The following WWOX variants were observed in gnomAD, a reference collection of about 807,000 sequenced individuals.
The protein encoded by WWOX is WW domain-containing oxidoreductase.
In WWOX, 69 loss-of-function variants were observed where a neutral mutation model predicts 46.2. The ratio of observed to expected loss-of-function variants is 1.49; its 90% confidence interval spans 1.23 to 1.82. WWOX has a LOEUF of 1.82. Ranked by LOEUF, WWOX falls within the 40% of genes most tolerant of loss-of-function variation. The probability of loss-of-function intolerance (pLI) is 0.00; values close to 1 mark genes in which losing one functional copy is unlikely to be tolerated. For synonymous variants in WWOX, 359 were observed against 202.6 expected, an observed-to-expected ratio of 1.77 and a Z score of -6.56; for missense variants, 919 against 542.6, an observed-to-expected ratio of 1.69 and a Z score of -6.89.
chr16:78,446,679 T>TGGGA (rs1408173837), intron 8 of WWOX, among the ~76,000 whole-genome samples: 1 of 96,040 alleles, frequency 1.0e-5, no homozygotes, highest in African/African-American at 9.2e-5. Context: ...TTTTTTTTTT[T>TGGGA]TTGAGGTGGA....
intron 8 of WWOX, among the ~76,000 whole-genome samples, chr16:78,808,185 C>G (rs979648084): frequency 1.3e-5 from 2 of 152,120 alleles, no homozygotes; most frequent in Non-Finnish European, 2.9e-5. Context: ...AGATCATGTC[C>G]TCTTTTAACC....
At chr16:78,676,450 G>C (rs970660199) in intron 8 of WWOX, among the ~76,000 whole-genome samples, 23 of 149,378 alleles carry the variant, frequency 1.5e-4, no homozygotes, top group African/African-American at 5.7e-4. Context: ...GCAGAAATTG[G>C]ATCACTTACC....
chr16:78,685,736 C>T (rs17708548), intron 8 of WWOX, among the ~76,000 whole-genome samples: 2,324 of 152,268 alleles, frequency 0.015, 18 homozygotes, highest in South Asian at 0.031. Context: ...AGTTGCCCCT[C>T]ATTTGGCTTG....
chr16:78,399,999 C>T (rs2082374256), intron 6 of WWOX, among the ~76,000 whole-genome samples: 3 of 152,180 alleles, frequency 2.0e-5, no homozygotes. Context: ...AGTTGAGCTA[C>T]TTGTCACTGC....
At chr16:78,669,468 A>G (rs1391695502) in intron 8 of WWOX, among the ~76,000 whole-genome samples, 4 of 152,218 alleles carry the variant, frequency 2.6e-5, no homozygotes, top group Admixed American at 2.6e-4. Context: ...AAGAAGTGCT[A>G]CTGTCATCTA....
chr16:78,734,121 C>T (rs547557548), intron 8 of WWOX, among the ~76,000 whole-genome samples: 26 of 151,714 alleles, frequency 1.7e-4, no homozygotes, highest in African/African-American at 5.1e-4. Context: ...CATACACACA[C>T]GTAAAATGAA....
At chr16:78,687,324 T>C (rs1170278581) in intron 8 of WWOX, among the ~76,000 whole-genome samples, 2 of 152,238 alleles carry the variant, frequency 1.3e-5, no homozygotes, top group Non-Finnish European at 2.9e-5. Context: ...AATTACATTT[T>C]AGATTAAAGC....
intron 4 of WWOX, among the ~76,000 whole-genome samples, chr16:78,121,713 G>C (rs1055959034): frequency 5.3e-5 from 8 of 151,588 alleles, no homozygotes; most frequent in African/African-American, 1.9e-4. Context: ...GCAGGCTGGA[G>C]TACAGTGGCG....
At chr16:78,155,204 G>A (rs1006932027) in intron 4 of WWOX, among the ~76,000 whole-genome samples, 1 of 150,968 alleles carries the variant, frequency 6.6e-6, no homozygotes. Context: ...GAAAGAAGGA[G>A]CAAAGGAGAA....
intron 4 of WWOX, among the ~76,000 whole-genome samples, chr16:78,155,003 A>C (rs528767684): frequency 6.6e-6 from 1 of 152,042 alleles, no homozygotes; most frequent in Middle Eastern, 3.2e-3. Flanking sequence ...GAAAGCCCAA[A>C]CCCCACCTCT....
chr16:78,651,559 C>T (rs892197441), intron 8 of WWOX, among the ~76,000 whole-genome samples: 1 of 152,178 alleles, frequency 6.6e-6, no homozygotes, highest in Non-Finnish European at 1.5e-5. Flanking sequence ...GGGCTAAACT[C>T]TTGCCTTTAC....
At chr16:78,822,814 A>G (rs927436388) in intron 8 of WWOX, among the ~76,000 whole-genome samples, 5 of 152,190 alleles carry the variant, frequency 3.3e-5, no homozygotes, top group Non-Finnish European at 1.5e-5. Context: ...CAAGAATGCT[A>G]TCAAATTGAA....
intron 8 of WWOX, among the ~76,000 whole-genome samples, chr16:78,920,782 C>T (rs76611744): frequency 0.021 from 3,167 of 152,230 alleles, 118 homozygotes; most frequent in African/African-American, 0.072. Context: ...CTTCTTATTA[C>T]GCTGAGCATG....
intron 8 of WWOX, among the ~76,000 whole-genome samples, chr16:78,449,793 A>C (rs2083648039): frequency 6.6e-6 from 1 of 152,202 alleles, no homozygotes. Context: ...ATGTTGCTTT[A>C]GTAGAAGGGG....
At chr16:78,409,888 G>A (rs997399868) in intron 6 of WWOX, among the ~76,000 whole-genome samples, 1 of 152,304 alleles carries the variant, frequency 6.6e-6, no homozygotes, top group African/African-American at 2.4e-5. Flanking sequence ...CAGGACTGTT[G>A]TGATGACACT....
chr16:78,660,711 C>T lies in WWOX; in HGVS notation c.1056+227959C>T, dbSNP rs562062912. Among the ~76,000 whole-genome samples, 312 of 152,276 alleles carry T rather than the reference C, an allele frequency of 2.0e-3. 4 individuals are homozygous for T. The highest frequency in any genetic ancestry group is 3.5e-3 in the Non-Finnish European group (235 of 68,030). On this transcript the variant is annotated intron_variant, in intron 8 of 8. Transcript: ENST00000566780. Reference sequence around the variant, plus strand: ...TAGTAAAATTTCTTTCATTCCCAGACCTCTCTCCAAAAGAGGCAGCCATCA... The same window carrying T: ...TAGTAAAATTTCTTTCATTCCCAGATCTCTCTCCAAAAGAGGCAGCCATCA...
intron 8 of WWOX, among the ~76,000 whole-genome samples, chr16:78,757,783 C>T (rs1046417012): frequency 1.3e-5 from 2 of 151,646 alleles, no homozygotes; most frequent in Non-Finnish European, 2.9e-5. Context: ...AGCGACCTTC[C>T]TGCTATGTCC....
At chr16:78,482,701 G>A (rs1472017970) in intron 8 of WWOX, among the ~76,000 whole-genome samples, 1 of 152,112 alleles carries the variant, frequency 6.6e-6, no homozygotes, top group African/African-American at 2.4e-5. Context: ...TAATCAACTG[G>A]GTGTTAAAAA....
intron 8 of WWOX, among the ~76,000 whole-genome samples, chr16:78,433,068 GA>G (rs1294054609): frequency 9.9e-5 from 15 of 152,148 alleles, no homozygotes; most frequent in Admixed American, 7.8e-4. Flanking sequence ...CAGAAACTTT[GA>G]AAATCTATTT....
Sources: gnomAD v4.1 joint callset for allele counts (sites outside exome capture counted in the v4.1 genomes callset) on GRCh38, gnomAD v4.1.1 for gene constraint, MANE v1.5 for transcripts, NCBI Gene and HGNC (gene_info 2026-07-23, HGNC 2026-07-21) for gene names.